Variants in UBE4A observed in about 807,000 individuals in gnomAD.
UBE4A encodes ubiquitination factor E4A, also known as ubiquitin conjugation factor E4 A.
A neutral mutation model predicts 117.9 loss-of-function variants in UBE4A; 48 were observed. That is an observed-to-expected ratio of 0.41 (90% CI 0.32 to 0.52). The LOEUF is 0.52. Ranked by LOEUF, UBE4A falls within the 20% of genes least tolerant of loss-of-function variation. UBE4A has a pLI of 0.33. For missense variants in UBE4A, 1,067 were observed against 1,296.3 expected, an observed-to-expected ratio of 0.82 and a Z score of 2.72; for synonymous variants, 407 against 450.0, an observed-to-expected ratio of 0.90 and a Z score of 1.21.
intron 3 of UBE4A, 151 bp from the exon 4 acceptor site, chr11:118,369,272 A>C (rs1948589239): frequency 1.6e-6 from 1 of 615,990 alleles, no homozygotes; most frequent in Admixed American, 2.9e-5. Flanking sequence ...AAAAAAAAAG[A>C]TTTGAATCTT....
intron 2 of UBE4A, among the ~76,000 whole-genome samples, chr11:118,365,649 G>C (rs1184083926): frequency 6.6e-6 from 1 of 152,348 alleles, no homozygotes; most frequent in South Asian, 2.1e-4. Flanking sequence ...TTTTTGACCT[G>C]TAGGCAAATG....
chr11:118,393,618 CAG>C (rs1454705578), intron 19 of UBE4A, among the ~76,000 whole-genome samples: 3 of 151,250 alleles, frequency 2.0e-5, no homozygotes, highest in Non-Finnish European at 4.4e-5. Flanking sequence ...ATTTTTGCGA[CAG>C]AGTCTCGCTC....
Position 118,375,147 on chromosome 11 carries a change from G to A in UBE4A, c.1368G>A (p.Arg456=). The A allele has an allele frequency of 6.2e-7, 1 of 1,614,102 alleles. No individual in the cohort carries two copies. Among genetic ancestry groups the A allele is most frequent in the South Asian group, 1.1e-5 (1 of 91,082 alleles). Residue 456 remains arginine (R), a synonymous_variant, in exon 9 of 20, where the codon CGG becomes CGA. Coordinates refer to ENST00000252108, the MANE Select transcript of UBE4A (RefSeq NM_001204077.2). The part of the protein sequence containing the change: ...CQPFCKPRSS[R]LLTFNPTYCA... ...CATTTTGCAAACCCAGATCCTCTCGGCTCCTCACCTTTAATCCCACATACT... is the reference window on the plus strand; with the variant it reads ...CATTTTGCAAACCCAGATCCTCTCGACTCCTCACCTTTAATCCCACATACT...
intron 5 of UBE4A, among the ~76,000 whole-genome samples, chr11:118,372,286 C>T (rs1948615923): frequency 6.6e-6 from 1 of 152,128 alleles, no homozygotes; most frequent in East Asian, 1.9e-4. Flanking sequence ...GAATTCATTT[C>T]CACTGAGATG....
At position 118,381,460 on chromosome 11, in the gene UBE4A, C is replaced by T. The variant is rs781845965; in HGVS notation, c.1946C>T (p.Thr649Ile). 17 of 1,614,160 alleles carry T rather than the reference C, an allele frequency of 1.1e-5. No homozygotes were observed. ...LRRFADDILETSADSLEHVLH... is the reference protein window; with the variant it reads ...LRRFADDILEISADSLEHVLH... Reference sequence around the variant, plus strand: ...CGCTTTGCCGATGACATTTTGGAGACATCAGCAGATTCCCTGGAGCATGTC... The same window carrying T: ...CGCTTTGCCGATGACATTTTGGAGATATCAGCAGATTCCCTGGAGCATGTC... The change falls in exon 12 of 20, where the codon ACA becomes ATA. Residue 649 changes from threonine to isoleucine, a missense_variant. Transcript: ENST00000252108.
chr11:118,366,527 C>T (rs1041731913), intron 2 of UBE4A, among the ~76,000 whole-genome samples: 2 of 152,170 alleles, frequency 1.3e-5, no homozygotes, highest in Non-Finnish European at 2.9e-5. Flanking sequence ...ATTTTGGCAC[C>T]TCATCATCCT....
At chr11:118,371,768 A>G (rs1215279548) in intron 5 of UBE4A, 102 bp downstream of exon 5, 12 of 1,275,060 alleles carry the variant, frequency 9.4e-6, no homozygotes, top group African/African-American at 1.5e-5. Flanking sequence ...TATATATGTC[A>G]TAGTATGTCT....
At chr11:118,379,778 C>T (rs782695089) in intron 11 of UBE4A, 28 bp downstream of exon 11, 1 of 1,584,790 alleles carries the variant, frequency 6.3e-7, no homozygotes, top group Non-Finnish European at 8.6e-7. Flanking sequence ...TGGGAATGTC[C>T]TGTTTATAGC....
intron 15 of UBE4A, 52 bp from the exon 16 acceptor site, chr11:118,386,386 C>T: frequency 6.4e-7 from 1 of 1,553,322 alleles, no homozygotes; most frequent in Non-Finnish European, 8.6e-7. Context: ...AATGTCACGT[C>T]CCTTCAACTG....
Position 118,389,729 on chromosome 11 carries a change from C to T in UBE4A, c.2592C>T (p.Ile864=). 6.3e-7 allele frequency: 1 copy of T among 1,597,206 alleles called. No homozygotes were observed. Among genetic ancestry groups the T allele is most frequent in the Non-Finnish European group, 8.6e-7 (1 of 1,167,160 alleles). ...IGTLAFLTSE[I]KSLFVHPFLA... The stretch of plus-strand genomic sequence containing the variant: ...AGACTTTGGATTCTTTTCCAGAGAT[C>T]AAGTCACTCTTTGTGCATCCCTTCC... Residue 864 remains isoleucine, a synonymous_variant, in exon 17 of 20, where the codon ATC becomes ATT. Transcript: ENST00000252108.
At chr11:118,364,250 C>T (rs1302971549) in intron 1 of UBE4A, among the ~76,000 whole-genome samples, 1 of 152,006 alleles carries the variant, frequency 6.6e-6, no homozygotes, top group Non-Finnish European at 1.5e-5. Flanking sequence ...TGAATGCAGG[C>T]TCAGCCAGCT....
At chr11:118,368,294 G>A (rs1401434914) in intron 2 of UBE4A, among the ~76,000 whole-genome samples, 16 of 152,178 alleles carry the variant, frequency 1.1e-4, no homozygotes, top group Admixed American at 1.0e-3. Flanking sequence ...AGGGAGAAAA[G>A]CCATACATTT....
chr11:118,363,606 CTT>C (rs199847839), intron 1 of UBE4A, among the ~76,000 whole-genome samples: 28 of 122,854 alleles, frequency 2.3e-4, no homozygotes, highest in Admixed American at 2.8e-4. Flanking sequence ...ACCACATTAG[CTT>C]TTTTTTTTTT....
intron 1 of UBE4A, among the ~76,000 whole-genome samples, chr11:118,362,973 GA>G (rs1320793051): frequency 1.3e-5 from 2 of 152,024 alleles, no homozygotes; most frequent in African/African-American, 4.8e-5. Flanking sequence ...ATACCCAAAG[GA>G]AAAAAATGAA....
rs186568201 is a variant in UBE4A, at chr11:118,369,115, G to A, written c.296-308G>A. The stretch of plus-strand genomic sequence containing the variant: ...CAGAGGTAACCTAAATATTCAGATG[G>A]AAGCCTTCAGAGGCATCAGAGAGTG... On this transcript the variant is annotated intron_variant, in intron 3 of 19. Coordinates refer to ENST00000252108, the MANE Select transcript of UBE4A (RefSeq NM_001204077.2). 8.7e-4 allele frequency among the ~76,000 whole-genome samples: 132 copies of A among 152,306 alleles called. 2 individuals carry two copies. Among genetic ancestry groups the A allele is most frequent in the African/African-American group, 2.9e-3 (121 of 41,566 alleles).
At position 118,389,734 on chromosome 11, in the gene UBE4A, C is replaced by T. The variant is rs1555127897; in HGVS notation, c.2597C>T (p.Ser866Leu). 1.3e-6 allele frequency: 2 copies of T among 1,598,372 alleles called. No individual in the cohort carries two copies. The highest frequency in any genetic ancestry group is 1.3e-5 in the African/African-American group (1 of 74,724). ...TTGGATTCTTTTCCAGAGATCAAGTCACTCTTTGTGCATCCCTTCCTGGCT... is the reference window on the plus strand; with the variant it reads ...TTGGATTCTTTTCCAGAGATCAAGTTACTCTTTGTGCATCCCTTCCTGGCT... ...TLAFLTSEIK[S>L]LFVHPFLAER... The change falls in exon 17 of 20, where the codon TCA becomes TTA. Residue 866 changes from serine (S) to leucine (L), a missense_variant. Coordinates refer to ENST00000252108, the MANE Select transcript of UBE4A (RefSeq NM_001204077.2).
At chr11:118,362,246 C>T (rs1399998219) in intron 1 of UBE4A, among the ~76,000 whole-genome samples, 1 of 152,154 alleles carries the variant, frequency 6.6e-6, no homozygotes, top group Non-Finnish European at 1.5e-5. Context: ...CCTCAGCCTC[C>T]TGAGTAGCTG....
Position 118,373,513 on chromosome 11 carries a change from A to G in UBE4A, c.944A>G (p.Gln315Arg). ...TTACAGGTTTTTGTAGAATACATTC[A>G]GCCCAAGGACCCTACCAATGGGCAA... ...DMAKVFVEYI[Q>R]PKDPTNGQMY... The change falls in exon 8 of 20, where the codon CAG becomes CGG. Residue 315 changes from glutamine (Q) to arginine (R), a missense_variant. Gln to Arg is a conservative substitution (Grantham distance 43, BLOSUM62 1). Coordinates refer to ENST00000252108, the MANE Select transcript of UBE4A (RefSeq NM_001204077.2). The G allele has an allele frequency of 6.2e-7, 1 of 1,612,790 alleles. No homozygotes were observed. The highest frequency in any genetic ancestry group is 1.1e-5 in the South Asian group (1 of 90,882).
At chr11:118,377,782 G>A (rs554614430) in intron 10 of UBE4A, among the ~76,000 whole-genome samples, 28 of 147,910 alleles carry the variant, frequency 1.9e-4, no homozygotes, top group African/African-American at 5.5e-4. Context: ...GCATGGTGGC[G>A]TGTGCCTGTA....
Sources: gnomAD v4.1 joint callset for allele counts (sites outside exome capture counted in the v4.1 genomes callset) on GRCh38, gnomAD v4.1.1 for gene constraint, MANE v1.5 for transcripts, NCBI Gene and HGNC (gene_info 2026-07-23, HGNC 2026-07-21) for gene names.